The following SCN3B variants were observed in gnomAD, a reference collection of about 807,000 sequenced individuals.
SCN3B encodes sodium voltage-gated channel beta subunit 3.
In SCN3B, 11 loss-of-function variants were observed where a neutral mutation model predicts 25.4. The observed-to-expected ratio is 0.43, with a 90% CI of 0.27 to 0.72. SCN3B has a LOEUF of 0.72. Ranked by LOEUF, SCN3B falls within the 30% of genes least tolerant of loss-of-function variation. The pLI is 0.18. For synonymous variants in SCN3B, 109 were observed against 110.7 expected (o/e 0.99, Z 0.09); for missense variants, 218 against 278.3 (o/e 0.78, Z 1.54).
At chr11:123,647,211 C>G (rs1372952684) in intron 2 of SCN3B, among the ~76,000 whole-genome samples, 1 of 152,126 alleles carries the variant, frequency 6.6e-6, no homozygotes, top group Non-Finnish European at 1.5e-5. Context: ...TGCTGTGGCT[C>G]ACACCTGCAA....
Position 123,634,190 on chromosome 11 carries a change from T to C in SCN3B, c.601A>G (p.Ile201Val), listed in dbSNP as rs1955701140. ...AQENASDYLAIPSENKENSAV... is the reference protein window; with the variant it reads ...AQENASDYLAVPSENKENSAV... ...GAGTTCTCCTTGTTCTCAGATGGGA[T>C]GGCAAGGTAGTCAGACCTATAGAGG... The change falls in exon 6 of 7, where the codon ATC (isoleucine) becomes GTC (valine). Residue 201 changes from isoleucine (I) to valine (V), a missense_variant. Ile to Val is a conservative substitution (Grantham distance 29). Transcript: ENST00000299333. 6 of 1,613,620 alleles carry C rather than the reference T, an allele frequency of 3.7e-6. No homozygotes were observed. The African/African-American group carries it at 8.0e-5, about 22-fold the overall frequency.
chr11:123,651,538 A>G (rs978140459), intron 2 of SCN3B, among the ~76,000 whole-genome samples: 1 of 152,114 alleles, frequency 6.6e-6, no homozygotes, highest in African/African-American at 2.4e-5. Flanking sequence ...TAATTTTTGT[A>G]TTTTTAGCAG....
At chr11:123,652,241 G>T (rs532771417) in intron 2 of SCN3B, among the ~76,000 whole-genome samples, 2 of 152,180 alleles carry the variant, frequency 1.3e-5, no homozygotes, top group Non-Finnish European at 2.9e-5. Flanking sequence ...CCTCCCCTGA[G>T]AAAATTTCAG....
intron 2 of SCN3B, among the ~76,000 whole-genome samples, chr11:123,650,964 T>C (rs1298964335): frequency 3.3e-5 from 5 of 152,288 alleles, no homozygotes; most frequent in Non-Finnish European, 5.9e-5. Context: ...GACTCATGCC[T>C]ATAATCCTAG....
At chr11:123,651,860 C>A (rs1955928890) in intron 2 of SCN3B, among the ~76,000 whole-genome samples, 1 of 152,134 alleles carries the variant, frequency 6.6e-6, no homozygotes, top group Admixed American at 6.5e-5. Flanking sequence ...TCAATTCTAG[C>A]AATATTCTTC....
intron 5 of SCN3B, among the ~76,000 whole-genome samples, chr11:123,637,490 G>A (rs117939520): frequency 2.4e-3 from 361 of 152,140 alleles, no homozygotes; most frequent in East Asian, 0.012. Flanking sequence ...TTTACAGAAC[G>A]GTTATAATAA....
intron 5 of SCN3B, among the ~76,000 whole-genome samples, chr11:123,635,460 G>A (rs2137232402): frequency 6.6e-6 from 1 of 152,164 alleles, no homozygotes; most frequent in African/African-American, 2.4e-5. Flanking sequence ...CAAGGCGGGT[G>A]CATCACGAGG....
rs1209188293 is a variant in SCN3B at position 123,629,966 on chromosome 11, TGAG to T, written c.*3830_*3832del. On this transcript the variant is annotated 3_prime_UTR_variant, in exon 7 of 7. Coordinates refer to ENST00000299333, the MANE Select transcript of SCN3B (RefSeq NM_001040151.2). ...CACAGCCTTTTCCCTCAGATTTATGTGAGGAGGACTCACAGATTCTGAGATGGA... is the reference window on the plus strand; with the variant it reads ...CACAGCCTTTTCCCTCAGATTTATGTGAGGACTCACAGATTCTGAGATGGA... 6.6e-6 allele frequency: 1 copy of T among 152,232 alleles called. No individual in the cohort carries two copies. The highest frequency in any genetic ancestry group is 2.4e-5 in the African/African-American group (1 of 41,460). The allele number at this position is 152,232 out of a possible 1,614,324, so 9.4% of individuals were successfully genotyped here. A position where few individuals can be genotyped will look rare whatever the true frequency, so the allele number is the denominator to read the frequency against.
chr11:123,634,362 T>C lies in SCN3B; in HGVS notation c.585-156A>G, dbSNP rs72552146. On this transcript the variant is annotated intron_variant, in intron 5 of 6. Transcript: ENST00000299333. ...AGAGAAAAACAACCTTTTCTGCAGA[T>C]TAAAATAATCATTTCCCCCATATAT... Among the ~76,000 whole-genome samples the C allele has an allele frequency of 7.3e-3, 1,118 of 152,334 alleles. 14 individuals carry two copies. The highest frequency in any genetic ancestry group is 0.025 in the African/African-American group (1,043 of 41,564).
intron 2 of SCN3B, among the ~76,000 whole-genome samples, chr11:123,651,014 G>C (rs1206882491): frequency 6.6e-6 from 1 of 152,048 alleles, no homozygotes; most frequent in Non-Finnish European, 1.5e-5. Flanking sequence ...CTTGAGCCCA[G>C]GAGTTAGAGA....
chr11:123,646,212 T>A (rs1363238745), intron 2 of SCN3B, among the ~76,000 whole-genome samples: 1 of 152,182 alleles, frequency 6.6e-6, no homozygotes, highest in Non-Finnish European at 1.5e-5. Context: ...GCATTTATAA[T>A]CCAATAGGGA....
In SCN3B at chr11:123,633,598, G is replaced by A. The variant is rs1955695257; in HGVS notation, c.*201C>T. 2 of 196,648 alleles carry A rather than the reference G, an allele frequency of 1.0e-5. No individual in the cohort carries two copies. Among genetic ancestry groups the A allele is most frequent in the Admixed American group, 1.1e-4 (2 of 18,886 alleles). 12.2% of individuals were successfully genotyped at this position (196,648 alleles called of 1,614,324 possible). On this transcript the variant is annotated 3_prime_UTR_variant, in exon 7 of 7. Coordinates refer to ENST00000299333, the MANE Select transcript of SCN3B (RefSeq NM_001040151.2). ...TTCTGGCAGAGTCTTATGGTGCGTA[G>A]AGGTCTGATGGAGTTAGGGAGTCAG... is the stretch of plus-strand genomic sequence containing the variant.
At chr11:123,649,683 CTCTCTCTG>C (rs1314287610) in intron 2 of SCN3B, among the ~76,000 whole-genome samples, 1 of 142,026 alleles carries the variant, frequency 7.0e-6, no homozygotes, top group Non-Finnish European at 1.5e-5. Flanking sequence ...TTTCCTCTCT[CTCTCTCTG>C]TCTCTGTCTC....
At chr11:123,653,183 T>C (rs891185656) in intron 2 of SCN3B, among the ~76,000 whole-genome samples, 3 of 151,658 alleles carry the variant, frequency 2.0e-5, no homozygotes, top group Non-Finnish European at 4.4e-5. Context: ...AAAAGAAAGA[T>C]GCATTTCACA....
intron 3 of SCN3B, among the ~76,000 whole-genome samples, chr11:123,644,792 AGAGAGAGAATAT>A (rs1955829319): frequency 2.5e-5 from 2 of 81,584 alleles, no homozygotes. Context: ...AGAGAGAGAG[AGAGAGAGAATAT>A]ATATATATAT....
intron 3 of SCN3B, among the ~76,000 whole-genome samples, chr11:123,644,402 G>A (rs1049908087): frequency 1.3e-5 from 2 of 152,288 alleles, no homozygotes; most frequent in Admixed American, 6.5e-5. Context: ...GTGAAGTCAA[G>A]AATCAAACCC....
At position 123,642,438 on chromosome 11, in the gene SCN3B, A is replaced by G. The variant is rs759996960; in HGVS notation, c.445+8T>C. The stretch of plus-strand genomic sequence containing the variant: ...GGACGCCCTAGAGACCCTGTGCCTC[A>G]GCCTCACCCTCCTCGGTGACTCTTA... On this transcript the variant is annotated splice_region_variant and intron_variant, in intron 4 of 6. Coordinates refer to ENST00000299333, the MANE Select transcript of SCN3B (RefSeq NM_001040151.2). This position sits in a 1 kb window ranked among gnomAD's most constrained non-coding sequence, Gnocchi z 4.3. 4 of 1,613,984 alleles carry G rather than the reference A, an allele frequency of 2.5e-6. No homozygotes were observed. The Admixed American group carries it at 6.7e-5, about 27-fold the overall frequency.
At chr11:123,640,031 C>T (rs986345814) in intron 4 of SCN3B, 2 of 152,122 alleles carry the variant, frequency 1.3e-5, no homozygotes, top group African/African-American at 4.8e-5. Flanking sequence ...AAGTCATCCC[C>T]AAGTCCTTGG....
intron 2 of SCN3B, among the ~76,000 whole-genome samples, chr11:123,649,482 G>A (rs1414409328): frequency 2.0e-5 from 3 of 151,844 alleles, no homozygotes; most frequent in Non-Finnish European, 4.4e-5. Context: ...TGGCCACAAA[G>A]TTCCCCCACC....
Sources: gnomAD v4.1 joint callset for allele counts (sites outside exome capture counted in the v4.1 genomes callset) on GRCh38, gnomAD v4.1.1 for gene constraint, Gnocchi (gnomAD v3.1) non-coding constraint, MANE v1.5 for transcripts, NCBI Gene and HGNC (gene_info 2026-07-23, HGNC 2026-07-21) for gene names.